Variants in GPR37L1 observed in about 807,000 individuals in gnomAD.
GPR37L1 encodes the protein G protein-coupled receptor 37-like 1.
GPR37L1 carries 18 observed loss-of-function variants against 18.0 expected under a neutral mutation model. That is an observed-to-expected ratio of 1.00 (90% CI 0.69 to 1.49). GPR37L1 has a LOEUF of 1.49. GPR37L1 is among the 40% of genes most tolerant of loss of function. The probability of loss-of-function intolerance (pLI) is 0.00; values close to 1 mark genes in which losing one functional copy is unlikely to be tolerated. For synonymous variants in GPR37L1, 256 were observed against 273.9 expected, an observed-to-expected ratio of 0.93 and a Z score of 0.65; for missense variants, 558 against 615.1, an observed-to-expected ratio of 0.91 and a Z score of 0.98.
At chr1:202,126,886 TC>T (rs923049095) in intron 1 of GPR37L1, among the ~76,000 whole-genome samples, 6 of 146,478 alleles carry the variant, frequency 4.1e-5, no homozygotes, top group Admixed American at 7.0e-5. Flanking sequence ...TAAGCCATGT[TC>T]CCCAAGACCA....
At position 202,123,523 on chromosome 1, in the gene GPR37L1, T is replaced by A; in HGVS notation, c.560T>A (p.Val187Asp). Reference sequence around the variant, plus strand: ...GTCCTCTTTTTCTGCCTCCCTATTGTCATCTTCAACGAGATCACCAAGCAG... The same window carrying A: ...GTCCTCTTTTTCTGCCTCCCTATTGACATCTTCAACGAGATCACCAAGCAG... ...FLVLFFCLPI[V>D]IFNEITKQRL... Residue 187 changes from valine to aspartate, a missense_variant, in exon 1 of 2, where the codon GTC (valine) becomes GAC (aspartate). Physicochemically the swap from Val to Asp is radical, Grantham distance 152. Coordinates refer to ENST00000367282, the MANE Select transcript of GPR37L1 (RefSeq NM_004767.5). 2.5e-6 allele frequency: 4 copies of A among 1,613,378 alleles called. No individual in the cohort carries two copies. Among genetic ancestry groups the A allele is most frequent in the Non-Finnish European group, 3.4e-6 (4 of 1,179,706 alleles).
Position 202,128,197 on chromosome 1 carries a change from G to A in GPR37L1, c.1087G>A (p.Gly363Ser), listed in dbSNP as rs1288475868. The change falls in exon 2 of 2, where the codon GGC becomes AGC. Residue 363 changes from glycine to serine, a missense_variant. Gly to Ser is a moderately conservative substitution (Grantham distance 56). Transcript: ENST00000367282. ...GAGCCAGCTCAACAGCACCGTGGTG[G>A]GCCTGACCGTGGTCTACGCCTTCTG... ...CESQLNSTVV[G>S]LTVVYAFCTL... The A allele has an allele frequency of 1.9e-6, 3 of 1,613,780 alleles. No homozygotes were observed. The highest frequency in any genetic ancestry group is 4.5e-5 in the East Asian group (2 of 44,886).
rs1280876076 is a variant in GPR37L1, at chr1:202,131,401, G to A, written c.*2845G>A. 1 of 152,182 alleles carries A rather than the reference G, an allele frequency of 6.6e-6. No homozygotes were observed. The highest frequency in any genetic ancestry group is 1.9e-4 in the East Asian group (1 of 5,196). 9.4% of individuals were successfully genotyped at this position (152,182 alleles called of 1,614,324 possible). On this transcript the variant is annotated 3_prime_UTR_variant, in exon 2 of 2. Coordinates refer to ENST00000367282, the MANE Select transcript of GPR37L1 (RefSeq NM_004767.5). ...GGATTATGGTCATTTAATGAGACAA[G>A]ATACATAAAGCACTTTGCATGGTGC...
rs1354650357 is a variant in GPR37L1, at chr1:202,130,473, T to C, written c.*1917T>C. ...CCTCTCCTGGGGATCTTAACGGCCTTGTTCTCTCTCCCTGGCACCCACCCC... is the reference window on the plus strand; with the variant it reads ...CCTCTCCTGGGGATCTTAACGGCCTCGTTCTCTCTCCCTGGCACCCACCCC... On this transcript the variant is annotated 3_prime_UTR_variant, in exon 2 of 2. Coordinates refer to ENST00000367282, the MANE Select transcript of GPR37L1 (RefSeq NM_004767.5). 6.6e-6 allele frequency: 1 copy of C among 152,300 alleles called. No individual in the cohort carries two copies. Among genetic ancestry groups the C allele is most frequent in the Non-Finnish European group, 1.5e-5 (1 of 68,172 alleles). The allele number at this position is 152,300 out of a possible 1,614,324, so 9.4% of individuals were successfully genotyped here.
Position 202,123,443 on chromosome 1 carries a change from C to A in GPR37L1, c.480C>A (p.Tyr160Ter), listed in dbSNP as rs1236799325. 1 of 1,614,126 alleles carries A rather than the reference C, an allele frequency of 6.2e-7. No individual in the cohort carries two copies. Among genetic ancestry groups the A allele is most frequent in the Non-Finnish European group, 8.5e-7 (1 of 1,180,010 alleles). The change falls in exon 1 of 2, where the codon TAC becomes TAA. Residue 160 changes from tyrosine (Y) to a stop codon, truncating the protein, a stop_gained. Coordinates refer to ENST00000367282, the MANE Select transcript of GPR37L1 (RefSeq NM_004767.5). LOFTEE classifies it high-confidence loss of function. ...SVMCIVWHSY[Y>*]LKSAWNSILA... ...TGTGCATCGTGTGGCACAGCTACTA[C>A]CTGAAGAGTGCCTGGAACTCCATCC... is the stretch of plus-strand genomic sequence containing the variant.
chr1:202,124,151 C>T (rs766638928), intron 1 of GPR37L1, among the ~76,000 whole-genome samples: 16 of 152,252 alleles, frequency 1.1e-4, no homozygotes, highest in Admixed American at 5.9e-4. Flanking sequence ...AAGACCGCTC[C>T]GTTCTTCCCT....
rs1326483833 is a variant in GPR37L1, at chr1:202,128,993, C to T, written c.*437C>T. 2 of 154,868 alleles carry T rather than the reference C, an allele frequency of 1.3e-5. No homozygotes were observed. Among genetic ancestry groups the T allele is most frequent in the African/African-American group, 4.9e-5 (2 of 40,740 alleles). 9.6% of individuals were successfully genotyped at this position (154,868 alleles called of 1,614,324 possible). A position where few individuals can be genotyped will look rare whatever the true frequency, so the allele number is the denominator to read the frequency against. ...TCCTTGGGGCCAGCCCAGTGTGGCT[C>T]ACCACACTCTTCTTTTTTTTTTTTT... On this transcript the variant is annotated 3_prime_UTR_variant, in exon 2 of 2. Coordinates refer to ENST00000367282, the MANE Select transcript of GPR37L1 (RefSeq NM_004767.5).
chr1:202,127,646 A>G, intron 1 of GPR37L1, 95 bp from the exon 2 acceptor site: 1 of 855,930 alleles, frequency 1.2e-6, no homozygotes, highest in Non-Finnish European at 1.9e-6. Flanking sequence ...TTATCACTCA[A>G]TTCATGGTCT....
Position 202,123,390 on chromosome 1 carries a change from G to A in GPR37L1, c.427G>A (p.Val143Met). The change falls in exon 1 of 2, where the codon GTG (valine) becomes ATG (methionine). Residue 143 changes from valine to methionine, a missense_variant. Physicochemically the swap from Val to Met is conservative, Grantham distance 21. Transcript: ENST00000367282. ...IMLLALVVFAVGIVGNLSVMC... is the reference protein window; with the variant it reads ...IMLLALVVFAMGIVGNLSVMC... ...GCTTCTGGCGCTGGTGGTGTTTGCG[G>A]TGGGCATTGTGGGCAACCTGTCGGT... is the stretch of plus-strand genomic sequence containing the variant. 6.2e-7 allele frequency: 1 copy of A among 1,614,180 alleles called. No individual in the cohort carries two copies. The highest frequency in any genetic ancestry group is 8.5e-7 in the Non-Finnish European group (1 of 1,180,036).
rs774378376 is a variant in GPR37L1, at chr1:202,132,274, G to T, written c.*3718G>T. On this transcript the variant is annotated 3_prime_UTR_variant, in exon 2 of 2. Coordinates refer to ENST00000367282, the MANE Select transcript of GPR37L1 (RefSeq NM_004767.5). ...TGCTTGCAGTCAGGAGAGGGCAGGG[G>T]ATAGAGCCCTGGCTCCCATTCAACC... 6.6e-6 allele frequency: 1 copy of T among 152,182 alleles called. No homozygotes were observed. Among genetic ancestry groups the T allele is most frequent in the Non-Finnish European group, 1.5e-5 (1 of 68,026 alleles). The allele number at this position is 152,182 out of a possible 1,614,324, so 9.4% of individuals were successfully genotyped here. A position where few individuals can be genotyped will look rare whatever the true frequency, so the allele number is the denominator to read the frequency against.
In GPR37L1 at chr1:202,123,220, GC is replaced by G; in HGVS notation, c.260del (p.Pro87LeufsTer16). On this transcript the variant is annotated frameshift_variant, in exon 1 of 2. Coordinates refer to ENST00000367282, the MANE Select transcript of GPR37L1 (RefSeq NM_004767.5). LOFTEE classifies it high-confidence loss of function. ...CCAACCAAGCCCTTGGTGGCCACCA[GC>G]CCTAACCCCGGCAAGGATGGGGGCA... Reference protein sequence around the residue: ...LQPTKPLVATSPNPGKDGGTP... With the variant: ...LQPTKPLVATXPNPGKDGGTP... The G allele has an allele frequency of 6.2e-7, 1 of 1,613,858 alleles. No homozygotes were observed. The highest frequency in any genetic ancestry group is 8.5e-7 in the Non-Finnish European group (1 of 1,179,950).
chr1:202,123,444 C>G lies in GPR37L1; in HGVS notation c.481C>G (p.Leu161Val). The change falls in exon 1 of 2, where the codon CTG (leucine) becomes GTG (valine). Residue 161 changes from leucine to valine, a missense_variant. Leu to Val is a conservative substitution (Grantham distance 32, BLOSUM62 1). Transcript: ENST00000367282. Reference protein sequence around the residue: ...VMCIVWHSYYLKSAWNSILAS... With the variant: ...VMCIVWHSYYVKSAWNSILAS... The stretch of plus-strand genomic sequence containing the variant: ...GTGCATCGTGTGGCACAGCTACTAC[C>G]TGAAGAGTGCCTGGAACTCCATCCT... 6.2e-7 allele frequency: 1 copy of G among 1,614,112 alleles called. No homozygotes were observed. The highest frequency in any genetic ancestry group is 2.2e-5 in the East Asian group (1 of 44,860).
At position 202,122,941 on chromosome 1, in the gene GPR37L1, G is replaced by A; in HGVS notation, c.-23G>A. The A allele has an allele frequency of 6.2e-7, 1 of 1,611,140 alleles. No individual in the cohort carries two copies. The highest frequency in any genetic ancestry group is 1.1e-5 in the South Asian group (1 of 90,938). ...TGCACTCACCTGCTCTTCCTGGGCT[G>A]GCTGTCTCCTGCTCATCCAGCCATG... On this transcript the variant is annotated 5_prime_UTR_variant, in exon 1 of 2. Coordinates refer to ENST00000367282, the MANE Select transcript of GPR37L1 (RefSeq NM_004767.5).
Position 202,123,231 on chromosome 1 carries a change from G to C in GPR37L1, c.268G>C (p.Gly90Arg), listed in dbSNP as rs144676177. 6.2e-4 allele frequency: 1,006 copies of C among 1,613,906 alleles called. 7 individuals are homozygous for C. The African/African-American group carries it at 0.012, about 19-fold the overall frequency. Residue 90 changes from glycine (G) to arginine (R), a missense_variant, in exon 1 of 2, where the codon GGC becomes CGC. Coordinates refer to ENST00000367282, the MANE Select transcript of GPR37L1 (RefSeq NM_004767.5). The part of the protein sequence containing the change: ...KPLVATSPNP[G>R]KDGGTPDSGQ... The stretch of plus-strand genomic sequence containing the variant: ...CTTGGTGGCCACCAGCCCTAACCCC[G>C]GCAAGGATGGGGGCACCCCAGACAG...
intron 1 of GPR37L1, 77 bp from the exon 2 acceptor site, chr1:202,127,664 C>A: frequency 1.9e-6 from 2 of 1,041,306 alleles, no homozygotes; most frequent in Non-Finnish European, 1.4e-6. Context: ...TCTAACTGAG[C>A]CAGAAGCCAG....
rs1654555047 is a variant in GPR37L1 at position 202,123,224 on chromosome 1, T to C, written c.261T>C (p.Pro87=). 6.2e-7 allele frequency: 1 copy of C among 1,613,780 alleles called. No homozygotes were observed. The highest frequency in any genetic ancestry group is 1.7e-5 in the Admixed American group (1 of 59,984). ...CCAAGCCCTTGGTGGCCACCAGCCCTAACCCCGGCAAGGATGGGGGCACCC... is the reference window on the plus strand; with the variant it reads ...CCAAGCCCTTGGTGGCCACCAGCCCCAACCCCGGCAAGGATGGGGGCACCC... ...QPTKPLVATS[P]NPGKDGGTPD... is the part of the protein sequence containing the mutation. The change falls in exon 1 of 2, where the codon CCT becomes CCC. Residue 87 remains proline, a synonymous_variant. Coordinates refer to ENST00000367282, the MANE Select transcript of GPR37L1 (RefSeq NM_004767.5).
chr1:202,132,057 G>A lies in GPR37L1; in HGVS notation c.*3501G>A, dbSNP rs1050136148. 1.3e-5 allele frequency: 2 copies of A among 152,184 alleles called. No homozygotes were observed. Among genetic ancestry groups the A allele is most frequent in the African/African-American group, 4.8e-5 (2 of 41,434 alleles). 9.4% of individuals were successfully genotyped at this position (152,184 alleles called of 1,614,324 possible). A position where few individuals can be genotyped will look rare whatever the true frequency, so the allele number is the denominator to read the frequency against. On this transcript the variant is annotated 3_prime_UTR_variant, in exon 2 of 2. Coordinates refer to ENST00000367282, the MANE Select transcript of GPR37L1 (RefSeq NM_004767.5). The stretch of plus-strand genomic sequence containing the variant: ...TGAACAAATTCTTTAAGTCATATTA[G>A]CACCTGCTGCACGCCGGCACTGTGG...
At position 202,123,253 on chromosome 1, in the gene GPR37L1, A is replaced by G; in HGVS notation, c.290A>G (p.Asp97Gly). The change falls in exon 1 of 2, where the codon GAC becomes GGC. Residue 97 changes from aspartate (D) to glycine (G), a missense_variant. Coordinates refer to ENST00000367282, the MANE Select transcript of GPR37L1 (RefSeq NM_004767.5). ...PNPGKDGGTPDSGQELRGNLT... is the reference protein window; with the variant it reads ...PNPGKDGGTPGSGQELRGNLT... ...CCCGGCAAGGATGGGGGCACCCCAG[A>G]CAGTGGGCAGGAACTGAGGGGCAAT... is the stretch of plus-strand genomic sequence containing the variant. The G allele has an allele frequency of 6.2e-7, 1 of 1,613,994 alleles. No individual in the cohort carries two copies. Among genetic ancestry groups the G allele is most frequent in the Non-Finnish European group, 8.5e-7 (1 of 1,179,942 alleles).
Position 202,130,797 on chromosome 1 carries a change from A to G in GPR37L1, c.*2241A>G, listed in dbSNP as rs1654829381. On this transcript the variant is annotated 3_prime_UTR_variant, in exon 2 of 2. Coordinates refer to ENST00000367282, the MANE Select transcript of GPR37L1 (RefSeq NM_004767.5). ...GGAAGTACCACCAGCTTCCTAAGGG[A>G]TGCAGGAAGGGGCCGGGTGAACTGA... 1 of 152,404 alleles carries G rather than the reference A, an allele frequency of 6.6e-6. No homozygotes were observed. Among genetic ancestry groups the G allele is most frequent in the Non-Finnish European group, 1.5e-5 (1 of 68,102 alleles). 9.4% of individuals were successfully genotyped at this position (152,404 alleles called of 1,614,324 possible). A position where few individuals can be genotyped will look rare whatever the true frequency, so the allele number is the denominator to read the frequency against.
Sources: gnomAD v4.1 joint callset for allele counts (sites outside exome capture counted in the v4.1 genomes callset) on GRCh38, gnomAD v4.1.1 for gene constraint, MANE v1.5 for transcripts, NCBI Gene and HGNC (gene_info 2026-07-23, HGNC 2026-07-21) for gene names.